Variants in HPF1 observed in about 807,000 individuals in gnomAD.
The protein encoded by HPF1 is UPF0609 protein C4orf27.
HPF1 carries 35 observed loss-of-function variants against 38.8 expected under a neutral mutation model. That is an observed-to-expected ratio of 0.90 (90% CI 0.69 to 1.19). The LOEUF is 1.19. HPF1 is among the 50% of genes most tolerant of loss of function. The pLI, the probability that HPF1 is intolerant of heterozygous loss-of-function variation, is 0.00. For synonymous variants in HPF1, 115 were observed against 139.2 expected (o/e 0.83, Z 1.22); for missense variants, 367 against 405.8 (o/e 0.90, Z 0.82).
At chr4:169,754,683 C>T (rs2150294008) in intron 1 of HPF1, among the ~76,000 whole-genome samples, 1 of 152,190 alleles carries the variant, frequency 6.6e-6, no homozygotes, top group East Asian at 1.9e-4. Flanking sequence ...TTTATTCTTC[C>T]TACCTAGAGC....
Position 169,737,721 on chromosome 4 carries a change from T to G in HPF1, c.675A>C (p.Ala225=), listed in dbSNP as rs140798165. The change falls in exon 6 of 8, where the codon GCA becomes GCC. Residue 225 remains alanine, a synonymous_variant. Transcript: ENST00000393381. ...KKVVTKTFHG[A]GLVVPVDKND... The stretch of plus-strand genomic sequence containing the variant: ...TTTTATCTACTGGAACAACCAAGCC[T>G]GCACCATGAAAGGTCTTTGTCACAA... The G allele has an allele frequency of 1.4e-5, 23 of 1,612,442 alleles. No homozygotes were observed. The South Asian group carries it at 2.4e-4, about 17-fold the overall frequency.
In HPF1 at chr4:169,731,750, C is replaced by G. The variant is rs767137638; in HGVS notation, c.863G>C (p.Gly288Ala). Reference protein sequence around the residue: ...VQFANDECDYGMGLELGMDLF... With the variant: ...VQFANDECDYAMGLELGMDLF... ...ATCCATTCCCAATTCAAGCCCCATGCCATAATCACATTCATCATTAGCAAA... is the reference window on the plus strand; with the variant it reads ...ATCCATTCCCAATTCAAGCCCCATGGCATAATCACATTCATCATTAGCAAA... The change falls in exon 7 of 8, where the codon GGC (glycine) becomes GCC (alanine). Residue 288 changes from glycine to alanine, a missense_variant. Transcript: ENST00000393381. 8.2e-6 allele frequency: 13 copies of G among 1,591,330 alleles called. No individual in the cohort carries two copies. In the African/African-American group the frequency reaches 1.5e-4, roughly 18 times the overall value.
intron 2 of HPF1, among the ~76,000 whole-genome samples, chr4:169,751,402 CAAAA>C (rs55661737): frequency 1.4e-5 from 1 of 71,148 alleles, no homozygotes. Flanking sequence ...GGCTCTGTCT[CAAAA>C]AAAAAAAAAA....
chr4:169,750,459 T>A (rs1322600503), intron 3 of HPF1, 77 bp downstream of exon 3: 4 of 1,064,962 alleles, frequency 3.8e-6, no homozygotes, highest in Non-Finnish European at 5.4e-6. Context: ...TCACCTTGGG[T>A]GAGGCTAGTG....
intron 4 of HPF1, among the ~76,000 whole-genome samples, chr4:169,746,991 TTA>T (rs1491518771): frequency 7.2e-6 from 1 of 139,496 alleles, no homozygotes. Context: ...TTATCTTTTT[TTA>T]AAAAAAAAAA....
intron 4 of HPF1, among the ~76,000 whole-genome samples, chr4:169,744,420 T>C (rs1249449981): frequency 5.3e-5 from 8 of 152,236 alleles, no homozygotes; most frequent in East Asian, 1.9e-4. Flanking sequence ...AACACTTTAC[T>C]GTGTGATGCT....
intron 6 of HPF1, among the ~76,000 whole-genome samples, chr4:169,733,112 C>A (rs1733850746): frequency 6.6e-6 from 1 of 152,170 alleles, no homozygotes; most frequent in Non-Finnish European, 1.5e-5. Context: ...ATGTAAGAGA[C>A]AAGAAATCAC....
intron 1 of HPF1, 98 bp from the exon 2 acceptor site, chr4:169,753,933 A>G: frequency 3.2e-6 from 3 of 932,454 alleles, no homozygotes; most frequent in Non-Finnish European, 4.9e-6. Flanking sequence ...TATGAAATAC[A>G]TGTGTTTTCC....
chr4:169,750,043 T>C (rs180935405), intron 3 of HPF1, among the ~76,000 whole-genome samples: 6 of 152,364 alleles, frequency 3.9e-5, no homozygotes, highest in Admixed American at 3.9e-4. Context: ...AGTTTCTCTA[T>C]TTCTAAGTAT....
chr4:169,733,443 A>C (rs1733854729), intron 6 of HPF1, among the ~76,000 whole-genome samples: 1 of 152,188 alleles, frequency 6.6e-6, no homozygotes, highest in Admixed American at 6.5e-5. Context: ...CAAACAAACC[A>C]ACAAAACATT....
rs778925717 is a variant in HPF1, at chr4:169,757,921, T to C, written c.-44A>G. The C allele has an allele frequency of 1.7e-5, 26 of 1,524,868 alleles. No individual in the cohort carries two copies. In the South Asian group the frequency reaches 2.5e-4, roughly 15 times the overall value. 94.5% of individuals were successfully genotyped at this position (1,524,868 alleles called of 1,614,324 possible). Reference sequence around the variant, plus strand: ...GCAGAATTCCCCGATCCGCGGCCGCTTCCGAGCGCCGCCAACCGCTTCCGG... The same window carrying C: ...GCAGAATTCCCCGATCCGCGGCCGCCTCCGAGCGCCGCCAACCGCTTCCGG... On this transcript the variant is annotated 5_prime_UTR_variant, in exon 1 of 8. Coordinates refer to ENST00000393381, the MANE Select transcript of HPF1 (RefSeq NM_017867.3).
chr4:169,733,378 T>C (rs1218118556), intron 6 of HPF1, among the ~76,000 whole-genome samples: 3 of 152,224 alleles, frequency 2.0e-5, no homozygotes, highest in African/African-American at 7.2e-5. Flanking sequence ...TGACAAATTG[T>C]ATGTCCTTTT....
chr4:169,754,587 G>A (rs766291770), intron 1 of HPF1, among the ~76,000 whole-genome samples: 4 of 151,468 alleles, frequency 2.6e-5, no homozygotes, highest in Non-Finnish European at 5.9e-5. Context: ...ATGCTTAATT[G>A]GAAGTTACGT....
At chr4:169,738,810 TA>T (rs1733929914) in intron 5 of HPF1, among the ~76,000 whole-genome samples, 1 of 152,124 alleles carries the variant, frequency 6.6e-6, no homozygotes. Flanking sequence ...TATGCAGCCA[TA>T]AAAAAGGATG....
At chr4:169,731,430 TTAATG>T (rs1733826386) in intron 7 of HPF1, among the ~76,000 whole-genome samples, 1 of 152,298 alleles carries the variant, frequency 6.6e-6, no homozygotes, top group East Asian at 1.9e-4. Context: ...TAAATTCACT[TTAATG>T]TAAGCCTGAA....
chr4:169,732,186 G>A (rs547964760), intron 6 of HPF1, among the ~76,000 whole-genome samples: 1 of 146,430 alleles, frequency 6.8e-6, no homozygotes, highest in Non-Finnish European at 1.5e-5. Flanking sequence ...CTGTCACCAG[G>A]CTGGAAAGCA....
Position 169,748,746 on chromosome 4 carries a change from G to A in HPF1, c.495C>T (p.Val165=). ...AATATAAATTAAAATATTCTTACTTGACTGCAGCAAATACATTATCTCCAT... is the reference window on the plus strand; with the variant it reads ...AATATAAATTAAAATATTCTTACTTAACTGCAGCAAATACATTATCTCCAT... ...VPNGDNVFAA[V]KLFLTKKLRE... is the part of the protein sequence containing the mutation. The change falls in exon 4 of 8, where the codon GTC becomes GTT. Residue 165 remains valine (V), a splice_region_variant and synonymous_variant. Coordinates refer to ENST00000393381, the MANE Select transcript of HPF1 (RefSeq NM_017867.3). The A allele has an allele frequency of 7.6e-7, 1 of 1,314,938 alleles. No individual in the cohort carries two copies. Among genetic ancestry groups the A allele is most frequent in the South Asian group, 1.3e-5 (1 of 75,058 alleles). The allele number at this position is 1,314,938 out of a possible 1,614,324, so 81.5% of individuals were successfully genotyped here.
intron 1 of HPF1, among the ~76,000 whole-genome samples, chr4:169,755,660 G>A (rs1430579773): frequency 6.6e-6 from 1 of 152,150 alleles, no homozygotes; most frequent in Non-Finnish European, 1.5e-5. Flanking sequence ...TATTTTTAAT[G>A]AGGAAAAAAG....
At chr4:169,745,317 A>G (rs1339751082) in intron 4 of HPF1, among the ~76,000 whole-genome samples, 3 of 152,196 alleles carry the variant, frequency 2.0e-5, no homozygotes, top group Non-Finnish European at 2.9e-5. Flanking sequence ...CCACCATCCC[A>G]GGTCATCAGG....
Sources: allele counts gnomAD v4.1 joint callset (sites outside exome capture counted in the v4.1 genomes callset), GRCh38; gene constraint gnomAD v4.1.1; transcripts MANE v1.5; gene names NCBI Gene and HGNC (gene_info 2026-07-23, HGNC 2026-07-21).